ARHGAP44: variants seen among roughly 807,000 people sequenced by gnomAD.
The protein encoded by ARHGAP44 is Rho GTPase activating protein 44.
ARHGAP44 carries 43 observed loss-of-function variants against 106.8 expected under a neutral mutation model. The observed-to-expected ratio is 0.40, with a 90% CI of 0.32 to 0.52. The LOEUF is 0.52. ARHGAP44 is among the 20% of genes least tolerant of loss of function. The pLI is 0.48. For missense variants in ARHGAP44, 866 were observed against 1,050.5 expected, an observed-to-expected ratio of 0.82 and a Z score of 2.43; for synonymous variants, 439 against 410.3, an observed-to-expected ratio of 1.07 and a Z score of -0.85.
intron 16 of ARHGAP44, 64 bp from the exon 17 acceptor site, chr17:12,973,238 C>T: frequency 6.4e-7 from 1 of 1,552,062 alleles, no homozygotes; most frequent in Non-Finnish European, 8.8e-7. Context: ...GAAAGACAAC[C>T]TTTATGTCCA....
chr17:12,879,158 A>G (rs1442816817), intron 1 of ARHGAP44, among the ~76,000 whole-genome samples: 2 of 152,120 alleles, frequency 1.3e-5, no homozygotes, highest in Non-Finnish European at 2.9e-5. Flanking sequence ...CCAAGTCCCC[A>G]AAGTCCTTCT....
chr17:12,988,983 G>C (rs2040029060), intron 20 of ARHGAP44: 1 of 147,846 alleles, frequency 6.8e-6, no homozygotes, highest in Admixed American at 6.8e-5. Context: ...TGTAATCCCA[G>C]CTACTCGGGA....
At chr17:12,895,399 C>T (rs1389928326) in intron 2 of ARHGAP44, among the ~76,000 whole-genome samples, 2 of 152,138 alleles carry the variant, frequency 1.3e-5, no homozygotes, top group African/African-American at 2.4e-5. Context: ...GCATTGAAAG[C>T]TGTCTCTCAT....
chr17:12,847,206 CAT>C (rs964035942), intron 1 of ARHGAP44, among the ~76,000 whole-genome samples: 4 of 152,204 alleles, frequency 2.6e-5, no homozygotes, highest in African/African-American at 9.7e-5. Context: ...TTGGGCCACA[CAT>C]GATTGGCAAA....
intron 1 of ARHGAP44, among the ~76,000 whole-genome samples, chr17:12,856,283 C>T (rs893727019): frequency 2.6e-5 from 4 of 152,130 alleles, no homozygotes; most frequent in African/African-American, 9.7e-5. Context: ...TGCATCCTAC[C>T]TTGTTCAATC....
intron 16 of ARHGAP44, among the ~76,000 whole-genome samples, chr17:12,964,108 T>C (rs76901902): frequency 0.1 from 15,295 of 152,350 alleles, 895 homozygotes; most frequent in South Asian, 0.2. Context: ...TTTTAAGCTC[T>C]TTCTTAGAAA....
intron 1 of ARHGAP44, among the ~76,000 whole-genome samples, chr17:12,807,134 C>T (rs2034298153): frequency 6.6e-6 from 1 of 152,098 alleles, no homozygotes; most frequent in Non-Finnish European, 1.5e-5. Flanking sequence ...AGCCTAATGG[C>T]CTCCTAATTA....
intron 1 of ARHGAP44, among the ~76,000 whole-genome samples, chr17:12,873,726 C>T (rs573263703): frequency 4.3e-4 from 66 of 152,042 alleles, no homozygotes; most frequent in African/African-American, 1.4e-3. Flanking sequence ...GGTGAAAGCC[C>T]GTCTCTACTA....
chr17:12,956,025 G>A (rs1184520357), intron 14 of ARHGAP44, 45 bp downstream of exon 14: 1 of 1,458,244 alleles, frequency 6.9e-7, no homozygotes. Context: ...AGGTGGGACT[G>A]CAGGGCCTGA....
chr17:12,973,502 G>A, intron 17 of ARHGAP44, 183 bp downstream of exon 17: 1 of 648,604 alleles, frequency 1.5e-6, no homozygotes. Context: ...GGCACAAGCA[G>A]CCCCTTCCCT....
chr17:12,809,839 C>G (rs1305203141), intron 1 of ARHGAP44, among the ~76,000 whole-genome samples: 1 of 152,136 alleles, frequency 6.6e-6, no homozygotes, highest in African/African-American at 2.4e-5. Context: ...CTTGCGGGAG[C>G]AGTGGGAGAT....
At chr17:12,903,918 G>C (rs1598028400) in intron 3 of ARHGAP44, among the ~76,000 whole-genome samples, 1 of 152,128 alleles carries the variant, frequency 6.6e-6, no homozygotes, top group Admixed American at 6.5e-5. Flanking sequence ...ACAATGCCTG[G>C]CATCTCTTGA....
chr17:12,897,994 G>A (rs1467470140), intron 3 of ARHGAP44, among the ~76,000 whole-genome samples: 2 of 152,100 alleles, frequency 1.3e-5, no homozygotes, highest in Non-Finnish European at 2.9e-5. Flanking sequence ...ACTGATAGAA[G>A]ATTTGAGGTA....
chr17:12,926,446 C>T (rs145297012), intron 6 of ARHGAP44, among the ~76,000 whole-genome samples: 4 of 118,872 alleles, frequency 3.4e-5, no homozygotes, highest in Admixed American at 1.8e-4. Context: ...TATGTATATA[C>T]ATAATATATA....
rs750940209 is a variant in ARHGAP44, at chr17:12,984,876, A to C, written c.2285A>C (p.Asp762Ala). 1 of 1,613,574 alleles carries C rather than the reference A, an allele frequency of 6.2e-7. No individual in the cohort carries two copies. The highest frequency in any genetic ancestry group is 8.5e-7 in the Non-Finnish European group (1 of 1,179,594). ...SPQSTEAPML[D>A]GMSPGESMST... ...CAGTCCACGGAGGCCCCCATGCTAGATGGCATGTCCCCTGGGGAAAGCATG... is the reference window on the plus strand; with the variant it reads ...CAGTCCACGGAGGCCCCCATGCTAGCTGGCATGTCCCCTGGGGAAAGCATG... The change falls in exon 20 of 21, where the codon GAT becomes GCT. Residue 762 changes from aspartate (D) to alanine (A), a missense_variant. Around this residue, in one of 2 missense-constraint regions of ARHGAP44, gnomAD observed 418 missense variants for 403.6 expected, o/e 1.04. Coordinates refer to ENST00000379672, the MANE Select transcript of ARHGAP44 (RefSeq NM_014859.6).
intron 1 of ARHGAP44, among the ~76,000 whole-genome samples, chr17:12,847,808 C>T (rs1188813546): frequency 6.6e-6 from 1 of 152,156 alleles, no homozygotes; most frequent in East Asian, 1.9e-4. Flanking sequence ...CCCGGCCCAT[C>T]ACTCTTTTTA....
intron 1 of ARHGAP44, among the ~76,000 whole-genome samples, chr17:12,879,151 A>G (rs1161627971): frequency 2.0e-5 from 3 of 152,114 alleles, no homozygotes; most frequent in Non-Finnish European, 4.4e-5. Flanking sequence ...CTTTCCCCCA[A>G]GTCCCCAAAG....
chr17:12,879,304 C>T (rs1317017203), intron 1 of ARHGAP44, among the ~76,000 whole-genome samples: 1 of 152,208 alleles, frequency 6.6e-6, no homozygotes, highest in Admixed American at 6.5e-5. Context: ...GCCATTATTT[C>T]ATTCCTTTTC....
chr17:12,926,465 TA>T (rs2038241815), intron 6 of ARHGAP44, among the ~76,000 whole-genome samples: 2 of 107,986 alleles, frequency 1.9e-5, no homozygotes, highest in African/African-American at 3.4e-5. Context: ...TATACATATA[TA>T]ATATATATAA....
Sources: gnomAD v4.1 joint callset for allele counts (sites outside exome capture counted in the v4.1 genomes callset) on GRCh38, gnomAD v4.1.1 for gene constraint, gnomAD v4.1.1 regional missense constraint, MANE v1.5 for transcripts, NCBI Gene and HGNC (gene_info 2026-07-23, HGNC 2026-07-21) for gene names.